COQ3: variants seen among roughly 807,000 people sequenced by gnomAD.
The protein encoded by COQ3 is coenzyme Q3, methyltransferase, also known as ubiquinone biosynthesis O-methyltransferase, mitochondrial.
A neutral mutation model predicts 33.1 loss-of-function variants in COQ3; 29 were observed. That is an observed-to-expected ratio of 0.88 (90% confidence interval 0.65 to 1.19). The LOEUF (loss-of-function observed/expected upper bound fraction) is 1.19. Ranked by LOEUF, COQ3 falls within the 50% of genes most tolerant of loss-of-function variation. The probability of loss-of-function intolerance (pLI) is 0.00; values close to 1 mark genes in which losing one functional copy is unlikely to be tolerated. For synonymous variants in COQ3, 173 were observed against 157.8 expected, an observed-to-expected ratio of 1.10 and a Z score of -0.72; for missense variants, 437 against 430.7, an observed-to-expected ratio of 1.01 and a Z score of -0.13.
intron 1 of COQ3, among the ~76,000 whole-genome samples, chr6:99,388,933 A>ACACACACC (rs1554209032): frequency 1.9e-5 from 1 of 52,336 alleles, no homozygotes; most frequent in African/African-American, 4.5e-5. Context: ...ACACACACAC[A>ACACACACC]CCCACATCCT....
chr6:99,378,873 G>A (rs1774380834), intron 3 of COQ3, among the ~76,000 whole-genome samples: 1 of 151,732 alleles, frequency 6.6e-6, no homozygotes, highest in Admixed American at 6.6e-5. Context: ...GATATTCTGT[G>A]TCTGTTACAG....
intron 4 of COQ3, 80 bp downstream of exon 4, chr6:99,377,306 G>T (rs1308673216): frequency 1.8e-6 from 2 of 1,090,028 alleles, no homozygotes; most frequent in Non-Finnish European, 2.8e-6. Context: ...AATATTATTT[G>T]TTGAAAGAAT....
In COQ3 at chr6:99,371,497, C is replaced by A; in HGVS notation, c.820G>T (p.Val274Leu). 6.2e-7 allele frequency: 1 copy of A among 1,606,816 alleles called. No homozygotes were observed. Among genetic ancestry groups the A allele is most frequent in the South Asian group, 1.1e-5 (1 of 90,226 alleles). Residue 274 changes from valine to leucine, a missense_variant, in exon 6 of 7, where the codon GTA becomes TTA. Coordinates refer to ENST00000254759, the MANE Select transcript of COQ3 (RefSeq NM_017421.4). ...TCCCATGTATGAGTACCTTTTGGTA[C>A]AATACTTGCAATTTGCTCTGAAAAA... ...IVFSEQIASI[V>L]PKGTHTWEKF...
chr6:99,385,249 A>C (rs192954262), intron 1 of COQ3, among the ~76,000 whole-genome samples: 201 of 152,370 alleles, frequency 1.3e-3, no homozygotes, highest in Non-Finnish European at 2.6e-3. Context: ...GAACCACTGG[A>C]TAGAAAACCA....
At chr6:99,377,364 T>C in intron 4 of COQ3, 22 bp downstream of exon 4, 1 of 1,553,264 alleles carries the variant, frequency 6.4e-7, no homozygotes, top group Non-Finnish European at 8.9e-7. Flanking sequence ...CAGTTAAAAA[T>C]GGCAGGAAAG....
chr6:99,371,458 G>A lies in COQ3; in HGVS notation c.859C>T (p.Pro287Ser), dbSNP rs753085923. 2 of 1,597,774 alleles carry A rather than the reference G, an allele frequency of 1.3e-6. No homozygotes were observed. The highest frequency in any genetic ancestry group is 2.3e-5 in the East Asian group (1 of 44,284). The change falls in exon 6 of 7, where the codon CCT (proline) becomes TCT (serine). Residue 287 changes from proline (P) to serine (S), a missense_variant. Physicochemically the swap from Pro to Ser is moderately conservative, Grantham distance 74. Transcript: ENST00000254759. ...TCCAGAATGCTCTCTAGTGTTTCAG[G>A]TGAAACAAACTTCTCCCATGTATGA... ...GTHTWEKFVSPETLESILESN... is the reference protein window; with the variant it reads ...GTHTWEKFVSSETLESILESN...
chr6:99,383,525 C>G (rs1247782446), intron 2 of COQ3, among the ~76,000 whole-genome samples, 173 bp downstream of exon 2: 1 of 152,006 alleles, frequency 6.6e-6, no homozygotes, highest in Non-Finnish European at 1.5e-5. Context: ...TTTGAAACTC[C>G]CCAAATTTAA....
chr6:99,393,133 A>G lies in COQ3; in HGVS notation c.106+941T>C, dbSNP rs146611824. On this transcript the variant is annotated intron_variant, in intron 1 of 6. Transcript: ENST00000254759. Reference sequence around the variant, plus strand: ...TACTCTACCACAGGCAATCACTGCAAAATTTCTCTATATATCTCCACCTGT... The same window carrying G: ...TACTCTACCACAGGCAATCACTGCAGAATTTCTCTATATATCTCCACCTGT... Among the ~76,000 whole-genome samples, 11 of 152,322 alleles carry G rather than the reference A, an allele frequency of 7.2e-5. No individual in the cohort carries two copies. In the East Asian group the frequency reaches 2.1e-3, roughly 29 times the overall value.
At chr6:99,371,048 T>A (rs1774129128) in intron 6 of COQ3, among the ~76,000 whole-genome samples, 1 of 152,180 alleles carries the variant, frequency 6.6e-6, no homozygotes, top group African/African-American at 2.4e-5. Flanking sequence ...AAAATATATG[T>A]AACTGTGGTG....
At chr6:99,373,901 T>C (rs1357226637) in intron 5 of COQ3, among the ~76,000 whole-genome samples, 3 of 151,898 alleles carry the variant, frequency 2.0e-5, no homozygotes, top group Admixed American at 1.3e-4. Context: ...TCCCAGCTAC[T>C]TGGGAGGCTG....
Position 99,369,744 on chromosome 6 carries a change from G to A in COQ3, c.966C>T (p.Thr322=), listed in dbSNP as rs759555181. 3 of 1,613,374 alleles carry A rather than the reference G, an allele frequency of 1.9e-6. No individual in the cohort carries two copies. In the South Asian group the frequency reaches 3.3e-5, roughly 18 times the overall value. ...CAGCATAAGCTGCATAGTTAAGGCT[G>A]GTATTTTCACTCCAATGCCAGTAAC... ...FSGYWHWSEN[T]SLNYAAYAVK... is the part of the protein sequence containing the mutation. Residue 322 remains threonine (T), a synonymous_variant, in exon 7 of 7, where the codon ACC becomes ACT. Coordinates refer to ENST00000254759, the MANE Select transcript of COQ3 (RefSeq NM_017421.4).
rs62432263 is a variant in COQ3 at position 99,385,654 on chromosome 6, C to T, written c.107-1830G>A. Among the ~76,000 whole-genome samples, 5 of 152,026 alleles carry T rather than the reference C, an allele frequency of 3.3e-5. No homozygotes were observed. The East Asian group carries it at 5.8e-4, about 18-fold the overall frequency. ...GGAGCACTGAGAGGTCAATTTATAT[C>T]ACTAAAATAATCATATTGAAAAGGA... is the stretch of plus-strand genomic sequence containing the variant. On this transcript the variant is annotated intron_variant, in intron 1 of 6. Coordinates refer to ENST00000254759, the MANE Select transcript of COQ3 (RefSeq NM_017421.4).
intron 2 of COQ3, among the ~76,000 whole-genome samples, chr6:99,380,920 AAAT>A (rs145797693): frequency 0.13 from 19,026 of 151,954 alleles, 1,657 homozygotes; most frequent in Non-Finnish European, 0.18. Context: ...ATAAATAAAT[AAAT>A]AATAATAATA....
At chr6:99,393,014 C>G (rs1774872988) in intron 1 of COQ3, among the ~76,000 whole-genome samples, 1 of 152,044 alleles carries the variant, frequency 6.6e-6, no homozygotes, top group African/African-American at 2.4e-5. Flanking sequence ...TTTATTATAT[C>G]TTTTCTAAAT....
chr6:99,377,074 A>G (rs925546373), intron 4 of COQ3, among the ~76,000 whole-genome samples: 57 of 148,598 alleles, frequency 3.8e-4, no homozygotes, highest in South Asian at 2.4e-3. Flanking sequence ...CAGTGGCTCA[A>G]TCTCAGCTCA....
chr6:99,386,820 C>T lies in COQ3; in HGVS notation c.107-2996G>A, dbSNP rs1582730355. ...GAAGCCTGAAAAACAAATCTCCAGT[C>T]TCGGATGGCTTCGCTGGTGAATTCT... On this transcript the variant is annotated intron_variant, in intron 1 of 6. Coordinates refer to ENST00000254759, the MANE Select transcript of COQ3 (RefSeq NM_017421.4). Among the ~76,000 whole-genome samples, 4 of 152,248 alleles carry T rather than the reference C, an allele frequency of 2.6e-5. 1 individual carries two copies. The highest frequency in any genetic ancestry group is 2.6e-4 in the Admixed American group (4 of 15,288).
chr6:99,385,826 A>T (rs1037580576), intron 1 of COQ3, among the ~76,000 whole-genome samples: 4 of 151,654 alleles, frequency 2.6e-5, no homozygotes, highest in Non-Finnish European at 5.9e-5. Flanking sequence ...AAAATACAAA[A>T]ATTAGCTGGG....
chr6:99,376,651 C>A (rs1381641233), intron 4 of COQ3, among the ~76,000 whole-genome samples: 1 of 152,118 alleles, frequency 6.6e-6, no homozygotes, highest in Non-Finnish European at 1.5e-5. Context: ...TTTATTTAGT[C>A]ATTTCCCATG....
At chr6:99,379,866 ATAAT>A (rs1374484345) in intron 3 of COQ3, among the ~76,000 whole-genome samples, 2 of 151,782 alleles carry the variant, frequency 1.3e-5, no homozygotes, top group Non-Finnish European at 2.9e-5. Context: ...AAAAAAAAAA[ATAAT>A]TAAATAAATA....
Sources: gnomAD v4.1 joint callset for allele counts (sites outside exome capture counted in the v4.1 genomes callset) on GRCh38, gnomAD v4.1.1 for gene constraint, MANE v1.5 for transcripts, NCBI Gene and HGNC (gene_info 2026-07-23, HGNC 2026-07-21) for gene names.